Variants in KPNA6 observed in about 807,000 individuals in gnomAD.
KPNA6 encodes karyopherin subunit alpha 6.
KPNA6 carries 9 observed loss-of-function variants against 72.0 expected under a neutral mutation model. That is an observed-to-expected ratio of 0.13 (90% confidence interval 0.08 to 0.22). The LOEUF (loss-of-function observed/expected upper bound fraction) is 0.22. KPNA6 is among the 10% of genes least tolerant of loss of function. The pLI is 1.00. For synonymous variants in KPNA6, 219 were observed against 242.1 expected (o/e 0.90, Z 0.89); for missense variants, 374 against 655.7 (o/e 0.57, Z 4.69).
chr1:32,116,387 A>G (rs1213558442), intron 1 of KPNA6, among the ~76,000 whole-genome samples: 1 of 151,924 alleles, frequency 6.6e-6, no homozygotes, highest in Non-Finnish European at 1.5e-5. Context: ...GGCCAGGTGC[A>G]GTGGCTCATG....
chr1:32,164,892 T>C (rs751713255), intron 10 of KPNA6, among the ~76,000 whole-genome samples: 1 of 152,038 alleles, frequency 6.6e-6, no homozygotes, highest in Non-Finnish European at 1.5e-5. Flanking sequence ...AAAAAACTTT[T>C]AACTTATTTA....
chr1:32,119,544 C>A (rs996156591), intron 1 of KPNA6, among the ~76,000 whole-genome samples: 1 of 152,128 alleles, frequency 6.6e-6, no homozygotes, highest in Non-Finnish European at 1.5e-5. Flanking sequence ...AAACCTCTTT[C>A]TGGTGAAGTC....
chr1:32,162,191 G>A (rs963403705), intron 8 of KPNA6, 145 bp downstream of exon 8: 21 of 911,120 alleles, frequency 2.3e-5, no homozygotes, highest in Non-Finnish European at 3.5e-5. Context: ...TGTGTACCTG[G>A]ATAGTAAAGT....
Position 32,156,903 on chromosome 1 carries a change from C to T in KPNA6, c.189C>T (p.Phe63=), listed in dbSNP as rs267598552. 10 of 1,613,920 alleles carry T rather than the reference C, an allele frequency of 6.2e-6. No individual in the cohort carries two copies. The East Asian group carries it at 1.6e-4, about 25-fold the overall frequency. The change falls in exon 3 of 14, where the codon TTC becomes TTT. Residue 63 remains phenylalanine, a synonymous_variant. Transcript: ENST00000373625. ...VELINEEAAM[F]DSLLMDSYVS... The stretch of plus-strand genomic sequence containing the variant: ...TGATTAATGAAGAAGCTGCCATGTT[C>T]GATAGTCTTCTCATGGACTCTTATG...
At chr1:32,131,755 C>A (rs1283123527) in intron 1 of KPNA6, among the ~76,000 whole-genome samples, 4 of 150,854 alleles carry the variant, frequency 2.7e-5, no homozygotes, top group African/African-American at 9.7e-5. Context: ...TACAGTGGCC[C>A]ACACCTATAA....
chr1:32,156,882 T>G lies in KPNA6; in HGVS notation c.168T>G (p.Ile56Met). Residue 56 changes from isoleucine (I) to methionine (M), a missense_variant, in exon 3 of 14, where the codon ATT (isoleucine) becomes ATG (methionine). Physicochemically the swap from Ile to Met is conservative, Grantham distance 10 (BLOSUM62 1). Transcript: ENST00000373625. Reference protein sequence around the residue: ...QLFKRRNVELINEEAAMFDSL... With the variant: ...QLFKRRNVELMNEEAAMFDSL... Reference sequence around the variant, plus strand: ...TTAAACGGAGAAATGTGGAGCTGATTAATGAAGAAGCTGCCATGTTCGATA... The same window carrying G: ...TTAAACGGAGAAATGTGGAGCTGATGAATGAAGAAGCTGCCATGTTCGATA... 3.1e-6 allele frequency: 5 copies of G among 1,614,098 alleles called. No homozygotes were observed. Among genetic ancestry groups the G allele is most frequent in the Non-Finnish European group, 4.2e-6 (5 of 1,179,956 alleles).
At chr1:32,143,572 T>TAAAA (rs1304994281) in intron 1 of KPNA6, among the ~76,000 whole-genome samples, 1 of 104,322 alleles carries the variant, frequency 9.6e-6, no homozygotes, top group Non-Finnish European at 1.9e-5. Context: ...GATTCTGTCT[T>TAAAA]AAAAAAAAAA....
At chr1:32,158,999 C>T (rs1265997489) in intron 5 of KPNA6, among the ~76,000 whole-genome samples, 2 of 152,148 alleles carry the variant, frequency 1.3e-5, no homozygotes, top group African/African-American at 4.8e-5. Context: ...TGGAACTTGC[C>T]AGAACTCAGC....
Position 32,159,508 on chromosome 1 carries a change from G to C in KPNA6, c.535G>C (p.Asp179His). Residue 179 changes from aspartate to histidine, a missense_variant, in exon 6 of 14, where the codon GAC becomes CAC. Transcript: ENST00000373625. ...VPIFIELLNS[D>H]FEDVQEQAVW... The stretch of plus-strand genomic sequence containing the variant: ...CATTTTTATAGAGCTGCTTAATTCA[G>C]ACTTTGAGGATGTTCAGGAACAGGT... The C allele has an allele frequency of 6.2e-7, 1 of 1,614,090 alleles. No homozygotes were observed. Among genetic ancestry groups the C allele is most frequent in the Non-Finnish European group, 8.5e-7 (1 of 1,179,982 alleles).
intron 1 of KPNA6, among the ~76,000 whole-genome samples, chr1:32,126,614 A>T (rs1458453299): frequency 1.3e-5 from 2 of 151,548 alleles, no homozygotes; most frequent in African/African-American, 4.8e-5. Flanking sequence ...CGAACCCTTG[A>T]CCTCAGGTGA....
chr1:32,119,027 TA>T (rs1207232602), intron 1 of KPNA6, among the ~76,000 whole-genome samples: 3,440 of 79,498 alleles, frequency 0.043, 59 homozygotes, highest in Non-Finnish European at 0.051. Flanking sequence ...TATATATATA[TA>T]TATATTTTTT....
chr1:32,115,830 T>A (rs1569987324), intron 1 of KPNA6, among the ~76,000 whole-genome samples: 1 of 151,866 alleles, frequency 6.6e-6, no homozygotes, highest in African/African-American at 2.4e-5. Flanking sequence ...TGCAACCTCT[T>A]CCTCCCAGAT....
chr1:32,117,365 G>A (rs1192745627), intron 1 of KPNA6, among the ~76,000 whole-genome samples: 2 of 151,852 alleles, frequency 1.3e-5, no homozygotes, highest in African/African-American at 4.8e-5. Flanking sequence ...GTAGAGATGG[G>A]GTTTTACCAT....
intron 1 of KPNA6, 31 bp downstream of exon 1, chr1:32,108,165 T>C (rs1170732667): frequency 6.2e-7 from 1 of 1,613,854 alleles, no homozygotes; most frequent in East Asian, 2.2e-5. Context: ...GTAGGGTTCT[T>C]GGGCTCAGGG....
At chr1:32,109,292 C>T (rs1318281795) in intron 1 of KPNA6, among the ~76,000 whole-genome samples, 1 of 151,894 alleles carries the variant, frequency 6.6e-6, no homozygotes, top group Non-Finnish European at 1.5e-5. Flanking sequence ...GCCTCAGCCT[C>T]CCGAGTAGCT....
chr1:32,108,708 G>C (rs1252690415), intron 1 of KPNA6, among the ~76,000 whole-genome samples: 1 of 152,270 alleles, frequency 6.6e-6, no homozygotes, highest in Non-Finnish European at 1.5e-5. Flanking sequence ...GGCGGAAATA[G>C]TGTGGTTCGG....
At chr1:32,156,229 A>G (rs1642140488) in intron 2 of KPNA6, among the ~76,000 whole-genome samples, 2 of 152,170 alleles carry the variant, frequency 1.3e-5, no homozygotes, top group East Asian at 1.9e-4. Context: ...TTAGTAATCA[A>G]TAGTCTCCTC....
At chr1:32,108,296 G>A (rs1277861972) in intron 1 of KPNA6, among the ~76,000 whole-genome samples, 162 bp downstream of exon 1, 1 of 152,230 alleles carries the variant, frequency 6.6e-6, no homozygotes, top group Non-Finnish European at 1.5e-5. Context: ...CCAGTTTTGG[G>A]CCGAGCTAGG....
intron 1 of KPNA6, among the ~76,000 whole-genome samples, chr1:32,116,055 A>C (rs1641322937): frequency 6.6e-6 from 1 of 152,052 alleles, no homozygotes; most frequent in African/African-American, 2.4e-5. Context: ...CTTAAACCTT[A>C]TGAACCAGTC....
Sources: gnomAD v4.1 joint callset for allele counts (sites outside exome capture counted in the v4.1 genomes callset) on GRCh38, gnomAD v4.1.1 for gene constraint, MANE v1.5 for transcripts, NCBI Gene and HGNC (gene_info 2026-07-23, HGNC 2026-07-21) for gene names.